CHN2: variants seen among roughly 807,000 people sequenced by gnomAD.
CHN2 encodes beta-chimaerin.
CHN2 carries 35 observed loss-of-function variants against 56.3 expected under a neutral mutation model. The observed-to-expected ratio is 0.62, with a 90% CI of 0.47 to 0.82. The LOEUF is 0.82. CHN2 is among the 40% of genes least tolerant of loss of function. CHN2 has a pLI of 0.00. For synonymous variants in CHN2, 210 were observed against 212.8 expected, an observed-to-expected ratio of 0.99 and a Z score of 0.12; for missense variants, 491 against 580.5, an observed-to-expected ratio of 0.85 and a Z score of 1.58.
intron 6 of CHN2, among the ~76,000 whole-genome samples, chr7:29,423,018 C>T (rs1804500630): frequency 1.3e-5 from 2 of 152,232 alleles, no homozygotes; most frequent in Non-Finnish European, 2.9e-5. Context: ...CTTCTTCAGG[C>T]TGCTTTTGAC....
chr7:29,444,283 A>G (rs1290173898), intron 6 of CHN2, among the ~76,000 whole-genome samples: 1 of 152,224 alleles, frequency 6.6e-6, no homozygotes, highest in Non-Finnish European at 1.5e-5. Flanking sequence ...TCAGTTATCT[A>G]TGGCTGCATA....
chr7:29,400,486 A>AC (rs2128084788), intron 5 of CHN2, 57 bp from the exon 6 acceptor site: 1 of 1,543,230 alleles, frequency 6.5e-7, no homozygotes, highest in Admixed American at 1.7e-5. Flanking sequence ...TATTGTTATC[A>AC]TTCCACACTG....
intron 1 of CHN2, among the ~76,000 whole-genome samples, chr7:29,235,325 C>G (rs1787106113): frequency 1.3e-5 from 2 of 152,040 alleles, no homozygotes; most frequent in African/African-American, 4.8e-5. Context: ...AAATCAAAAC[C>G]ACAATGAGAT....
intron 1 of CHN2, among the ~76,000 whole-genome samples, chr7:29,224,940 G>A (rs1562845080): frequency 6.6e-6 from 1 of 152,156 alleles, no homozygotes; most frequent in African/African-American, 2.4e-5. Context: ...CATCTCCGGA[G>A]AGAGAAAATA....
intron 2 of CHN2, among the ~76,000 whole-genome samples, chr7:29,164,415 G>T (rs1169207243): frequency 6.6e-6 from 1 of 152,004 alleles, no homozygotes; most frequent in Non-Finnish European, 1.5e-5. Flanking sequence ...ATATTTTGCA[G>T]ATAATTTTGC....
rs1269936079 is a variant in CHN2 at position 29,512,415 on chromosome 7, C to T, written c.1236-149C>T. The stretch of plus-strand genomic sequence containing the variant: ...ACGAAAAATCAGTAAATTACCCTTC[C>T]AAAAATACCTTTCTGCTGTTCTGAT... On this transcript the variant is annotated intron_variant, in intron 12 of 12. Transcript: ENST00000222792. 3 of 629,858 alleles carry T rather than the reference C, an allele frequency of 4.8e-6. No homozygotes were observed. The East Asian group carries it at 9.3e-5, about 20-fold the overall frequency. 39.0% of individuals were successfully genotyped at this position (629,858 alleles called of 1,614,324 possible).
At chr7:29,369,363 A>T (rs1799426282) in intron 3 of CHN2, among the ~76,000 whole-genome samples, 1 of 152,254 alleles carries the variant, frequency 6.6e-6, no homozygotes. Context: ...ATCAGGCACC[A>T]GAACTTGAAA....
intron 1 of CHN2, chr7:29,213,050 G>C (rs1188326787): frequency 1.9e-6 from 3 of 1,607,738 alleles, no homozygotes; most frequent in African/African-American, 2.7e-5. Context: ...CTGCAGTCCT[G>C]CATGCAGTTC....
upstream of CHN2, chr7:29,194,334 C>G (rs1436433760): frequency 6.6e-6 from 1 of 152,284 alleles, no homozygotes; most frequent in African/African-American, 2.4e-5. Context: ...CAGTCCGCAG[C>G]CTCCCCCTCC....
chr7:29,482,885 G>C (rs1300398313), intron 7 of CHN2, among the ~76,000 whole-genome samples: 2 of 122,760 alleles, frequency 1.6e-5, no homozygotes, highest in African/African-American at 3.2e-5. Context: ...GCAGTGGCGC[G>C]ATCTCGGCTC....
At chr7:29,212,786 A>T (rs546892775) in intron 1 of CHN2, 30 of 1,609,908 alleles carry the variant, frequency 1.9e-5, no homozygotes, top group Non-Finnish European at 2.5e-5. Context: ...GAAGAATAGC[A>T]ATGGTGTGAC....
At chr7:29,452,822 GAGC>G (rs1784496177) in intron 6 of CHN2, among the ~76,000 whole-genome samples, 1 of 152,224 alleles carries the variant, frequency 6.6e-6, no homozygotes, top group South Asian at 2.1e-4. Context: ...CGGAGAGCAA[GAGC>G]AGTGTGGCAT....
intron 2 of CHN2, among the ~76,000 whole-genome samples, chr7:29,150,768 A>C (rs1198126475): frequency 6.6e-6 from 1 of 152,156 alleles, no homozygotes; most frequent in African/African-American, 2.4e-5. Context: ...GTTCCTTTTC[A>C]GTGTTGTTAC....
rs189158487 is a variant in CHN2 at position 29,466,074 on chromosome 7, G to A, written c.577-14205G>A. ...TGAAAATTAGCAAGGTGTTGGGGGTGCACCTGTATCCCAGCCACTCAGGAG... is the reference window on the plus strand; with the variant it reads ...TGAAAATTAGCAAGGTGTTGGGGGTACACCTGTATCCCAGCCACTCAGGAG... On this transcript the variant is annotated intron_variant, in intron 6 of 12. Transcript: ENST00000222792. Among the ~76,000 whole-genome samples the A allele has an allele frequency of 5.3e-5, 8 of 152,222 alleles. No homozygotes were observed. In the East Asian group the frequency reaches 1.5e-3, roughly 29 times the overall value.
chr7:29,481,125 T>C (rs555675239), intron 7 of CHN2, among the ~76,000 whole-genome samples: 10 of 152,312 alleles, frequency 6.6e-5, no homozygotes, highest in South Asian at 2.1e-4. Context: ...TGCTGCCAAA[T>C]TGTCTAGCTT....
intron 3 of CHN2, among the ~76,000 whole-genome samples, chr7:29,385,313 C>T (rs769558340): frequency 5.9e-5 from 9 of 152,214 alleles, no homozygotes; most frequent in Middle Eastern, 3.4e-3. Flanking sequence ...CTTGGGAATA[C>T]TTAACAATTC....
upstream of CHN2, chr7:29,194,324 C>G (rs1298343398): frequency 6.6e-6 from 1 of 152,384 alleles, no homozygotes; most frequent in African/African-American, 2.4e-5. Flanking sequence ...CCCTGTCCAG[C>G]AGTCCGCAGC....
At chr7:29,307,929 TG>T (rs1397314379) in intron 1 of CHN2, among the ~76,000 whole-genome samples, 1 of 152,208 alleles carries the variant, frequency 6.6e-6, no homozygotes, top group African/African-American at 2.4e-5. Flanking sequence ...ATTAAATTCT[TG>T]TTTTTTTAAG....
At chr7:29,494,786 C>T (rs146357070) in intron 7 of CHN2, among the ~76,000 whole-genome samples, 1 of 151,746 alleles carries the variant, frequency 6.6e-6, no homozygotes, top group African/African-American at 2.4e-5. Flanking sequence ...AGAAGAGATC[C>T]AGATCCATTT....
Sources: gnomAD v4.1 joint callset for allele counts (sites outside exome capture counted in the v4.1 genomes callset) on GRCh38, gnomAD v4.1.1 for gene constraint, MANE v1.5 for transcripts, NCBI Gene and HGNC (gene_info 2026-07-23, HGNC 2026-07-21) for gene names.